The following PARL variants were observed in gnomAD, a reference collection of about 807,000 sequenced individuals.
PARL encodes presenilin-associated rhomboid-like protein, mitochondrial.
A neutral mutation model predicts 51.6 loss-of-function variants in PARL; 44 were observed. The ratio of observed to expected loss-of-function variants is 0.85; its 90% CI spans 0.67 to 1.10. The LOEUF is 1.10. Among genes scored for constraint, PARL ranks in the 50% least tolerant of loss-of-function variants. The pLI, the probability that PARL is intolerant of heterozygous loss-of-function variation, is 0.00. For synonymous variants in PARL, 172 were observed against 164.0 expected, an observed-to-expected ratio of 1.05 and a Z score of -0.37; for missense variants, 441 against 469.5, an observed-to-expected ratio of 0.94 and a Z score of 0.56.
chr3:183,868,047 T>C lies in PARL; in HGVS notation c.139A>G (p.Ile47Val). 6.2e-7 allele frequency: 1 copy of C among 1,613,982 alleles called. No individual in the cohort carries two copies. The highest frequency in any genetic ancestry group is 8.5e-7 in the Non-Finnish European group (1 of 1,179,838). The change falls in exon 2 of 10, where the codon ATT becomes GTT. Residue 47 changes from isoleucine (I) to valine (V), a missense_variant. By Grantham distance (29) the Ile-to-Val change is conservative (BLOSUM62 3). Transcript: ENST00000317096. ...QLLGRRFNFFIQQKCGFRKAP... is the reference protein window; with the variant it reads ...QLLGRRFNFFVQQKCGFRKAP... Reference sequence around the variant, plus strand: ...TTTCTGAATCCGCATTTTTGTTGAATAAAGAAGTTAAACCTATGGGGCAAA... The same window carrying C: ...TTTCTGAATCCGCATTTTTGTTGAACAAAGAAGTTAAACCTATGGGGCAAA...
At chr3:183,833,024 G>A (rs1315991227) in intron 9 of PARL, among the ~76,000 whole-genome samples, 2 of 152,194 alleles carry the variant, frequency 1.3e-5, no homozygotes, top group Non-Finnish European at 2.9e-5. Flanking sequence ...GGTCCACATT[G>A]GTTTGCAGTC....
chr3:183,838,898 T>A lies in PARL; in HGVS notation c.828+1672A>T, dbSNP rs73887534. Among the ~76,000 whole-genome samples the A allele has an allele frequency of 4.4e-3, 671 of 152,310 alleles. 3 individuals carry two copies. Among genetic ancestry groups the A allele is most frequent in the African/African-American group, 0.016 (648 of 41,578 alleles). On this transcript the variant is annotated intron_variant, in intron 7 of 9. Transcript: ENST00000317096. Reference sequence around the variant, plus strand: ...CACTCTTAGAGCCCCCAAAGTCCTCTAGAGAATCCTCATTCCTTTCAGTGT... The same window carrying A: ...CACTCTTAGAGCCCCCAAAGTCCTCAAGAGAATCCTCATTCCTTTCAGTGT...
chr3:183,856,409 A>C (rs1731190456), intron 4 of PARL: 1 of 152,454 alleles, frequency 6.6e-6, no homozygotes, highest in African/African-American at 2.4e-5. Context: ...GCAGCCAAAG[A>C]ACTAGGCTCA....
At chr3:183,830,204 T>A (rs184389983) in intron 9 of PARL, among the ~76,000 whole-genome samples, 1 of 152,306 alleles carries the variant, frequency 6.6e-6, no homozygotes, top group East Asian at 1.9e-4. Flanking sequence ...ATCCAAACTC[T>A]GCCCCGCTTT....
In PARL at chr3:183,833,710, A is replaced by C; in HGVS notation, c.930+14T>G. On this transcript the variant is annotated intron_variant, in intron 8 of 9. Coordinates refer to ENST00000317096, the MANE Select transcript of PARL (RefSeq NM_018622.7). Reference sequence around the variant, plus strand: ...ACCACTATCCCCAGCACTGCACTTCATAAAAATACTTACATTCCCTGCTGT... The same window carrying C: ...ACCACTATCCCCAGCACTGCACTTCCTAAAAATACTTACATTCCCTGCTGT... 6.4e-7 allele frequency: 1 copy of C among 1,574,292 alleles called. No individual in the cohort carries two copies. Among genetic ancestry groups the C allele is most frequent in the Non-Finnish European group, 8.7e-7 (1 of 1,143,628 alleles).
intron 4 of PARL, among the ~76,000 whole-genome samples, chr3:183,845,838 C>T (rs1286618308): frequency 6.6e-6 from 1 of 152,094 alleles, no homozygotes; most frequent in Non-Finnish European, 1.5e-5. Context: ...CAGAGTGCAC[C>T]CTTAGGTCTA....
Position 183,829,304 on chromosome 3 carries a change from A to T in PARL, c.*294T>A, listed in dbSNP as rs1326663922. The T allele has an allele frequency of 4.6e-6, 4 of 871,348 alleles. No homozygotes were observed. The highest frequency in any genetic ancestry group is 3.6e-5 in the South Asian group (2 of 55,592). 54.0% of individuals were successfully genotyped at this position (871,348 alleles called of 1,614,324 possible). On this transcript the variant is annotated 3_prime_UTR_variant, in exon 10 of 10. Transcript: ENST00000317096. ...GTTCTGATCAGGCCTTTCAGGGTGCACTCTCCCCAGGTCCTGTCAATGCAA... is the reference window on the plus strand; with the variant it reads ...GTTCTGATCAGGCCTTTCAGGGTGCTCTCTCCCCAGGTCCTGTCAATGCAA...
chr3:183,842,495 A>G lies in PARL; in HGVS notation c.608-48T>C, dbSNP rs199628836. 1.1e-5 allele frequency: 18 copies of G among 1,581,100 alleles called. No homozygotes were observed. The Admixed American group carries it at 2.8e-4, about 25-fold the overall frequency. On this transcript the variant is annotated intron_variant, in intron 5 of 9. Transcript: ENST00000317096. ...CTGGTAATCATGAAACACACAGCCAATAAAAATTATCCATTTTAAACTTTT... is the reference window on the plus strand; with the variant it reads ...CTGGTAATCATGAAACACACAGCCAGTAAAAATTATCCATTTTAAACTTTT...
intron 4 of PARL, among the ~76,000 whole-genome samples, chr3:183,849,867 A>T (rs1443744678): frequency 6.6e-6 from 1 of 152,224 alleles, no homozygotes. Flanking sequence ...TGTTACTACG[A>T]ACCTTATAGA....
At chr3:183,848,489 C>G (rs950146817) in intron 4 of PARL, among the ~76,000 whole-genome samples, 2 of 152,178 alleles carry the variant, frequency 1.3e-5, no homozygotes, top group Non-Finnish European at 2.9e-5. Context: ...GATCTGCCCG[C>G]GTCGGCCTCC....
chr3:183,848,271 T>C (rs1267320896), intron 4 of PARL, among the ~76,000 whole-genome samples: 2 of 152,234 alleles, frequency 1.3e-5, no homozygotes, highest in East Asian at 3.9e-4. Flanking sequence ...TGAGACGGAG[T>C]CTCGCTGTCT....
chr3:183,849,928 A>C (rs149132658), intron 4 of PARL, among the ~76,000 whole-genome samples: 260 of 152,346 alleles, frequency 1.7e-3, no homozygotes, highest in African/African-American at 5.6e-3. Context: ...AACAAATGAG[A>C]ATAACTTAGA....
At chr3:183,866,896 C>T (rs1732547938) in intron 2 of PARL, 131 bp from the exon 3 acceptor site, 5 of 706,068 alleles carry the variant, frequency 7.1e-6, no homozygotes, top group African/African-American at 3.6e-5. Flanking sequence ...CACAGTGAAA[C>T]CTAATAAGTG....
intron 1 of PARL, among the ~76,000 whole-genome samples, chr3:183,870,174 A>C (rs1733016139): frequency 6.7e-6 from 1 of 148,950 alleles, no homozygotes; most frequent in Non-Finnish European, 1.5e-5. Context: ...GCTACTCGGG[A>C]GGCTGAGGCA....
intron 7 of PARL, among the ~76,000 whole-genome samples, chr3:183,837,920 T>A (rs1280991707): frequency 3.9e-5 from 6 of 152,078 alleles, no homozygotes; most frequent in African/African-American, 1.4e-4. Context: ...GAGACCAGCC[T>A]TGGCAACATA....
intron 4 of PARL, chr3:183,846,504 A>AG (rs1350642277): frequency 1.0e-6 from 1 of 983,700 alleles, no homozygotes; most frequent in Non-Finnish European, 1.2e-6. Flanking sequence ...AAAAAAAAAA[A>AG]GCGGGGGGAA....
chr3:183,867,102 CG>C (rs1346312820), intron 2 of PARL, among the ~76,000 whole-genome samples: 1 of 151,942 alleles, frequency 6.6e-6, no homozygotes, highest in South Asian at 2.1e-4. Flanking sequence ...TTAGTAGAGA[CG>C]GGGTTTCATC....
chr3:183,884,387 G>A (rs529069719), intron 1 of PARL, among the ~76,000 whole-genome samples: 92 of 152,320 alleles, frequency 6.0e-4, no homozygotes, highest in Non-Finnish European at 1.0e-3. Context: ...CATTCTGCCA[G>A]CTGTACTAAC....
At chr3:183,829,259 C>G (rs183384155), downstream of PARL, 138 of 456,758 alleles carry the variant, frequency 3.0e-4, no homozygotes, top group Admixed American at 5.2e-4. Context: ...GGTCCAAAGA[C>G]AGGCAACCAG....
Sources: allele counts gnomAD v4.1 joint callset (sites outside exome capture counted in the v4.1 genomes callset), GRCh38; gene constraint gnomAD v4.1.1; transcripts MANE v1.5; gene names NCBI Gene and HGNC (gene_info 2026-07-23, HGNC 2026-07-21).